The following MTX3 variants were observed in gnomAD, a reference collection of about 807,000 sequenced individuals.
MTX3 encodes metaxin-3.
MTX3 carries 27 observed loss-of-function variants against 42.5 expected under a neutral mutation model. The observed-to-expected ratio is 0.64, with a 90% CI of 0.47 to 0.88. MTX3 has a LOEUF of 0.88. Ranked by LOEUF, MTX3 falls within the 40% of genes least tolerant of loss-of-function variation. MTX3 has a pLI of 0.00. For synonymous variants in MTX3, 144 were observed against 132.9 expected (o/e 1.08, Z -0.57); for missense variants, 378 against 367.0 (o/e 1.03, Z -0.25).
At chr5:79,989,017 A>C (rs1227952336) in intron 4 of MTX3, 135 bp downstream of exon 4, 12 of 592,388 alleles carry the variant, frequency 2.0e-5, no homozygotes, top group Non-Finnish European at 3.4e-5. Context: ...CCAGTTTCAC[A>C]GTAATATGAA....
rs1169523154 is a variant in MTX3 at position 79,988,295 on chromosome 5, C to A, written c.525G>T (p.Glu175Asp). 1.9e-6 allele frequency: 3 copies of A among 1,555,824 alleles called. No individual in the cohort carries two copies. The African/African-American group carries it at 4.1e-5, about 21-fold the overall frequency. The stretch of plus-strand genomic sequence containing the variant: ...ATCTGTTTGATAGAAGATTTAGGCA[C>A]TCCTTGGCATCTCTGTATATCTAAT... ...VEAQIYRDAK[E>D]CLNLLSNRLG... The change falls in exon 6 of 9, where the codon GAG becomes GAT. Residue 175 changes from glutamate (E) to aspartate (D), a missense_variant. Coordinates refer to ENST00000512528, the MANE Select transcript of MTX3 (RefSeq NM_001363818.2).
rs1831374106 is a variant in MTX3 at position 79,981,521 on chromosome 5, T to G, written c.*2163A>C. Reference sequence around the variant, plus strand: ...ATTAAAATTTCAGTTCATAAAACATTACAGTATGCTTCTTTATCAAAGTCT... The same window carrying G: ...ATTAAAATTTCAGTTCATAAAACATGACAGTATGCTTCTTTATCAAAGTCT... On this transcript the variant is annotated 3_prime_UTR_variant, in exon 9 of 9. Coordinates refer to ENST00000512528, the MANE Select transcript of MTX3 (RefSeq NM_001363818.2). The G allele has an allele frequency of 6.6e-6, 1 of 152,206 alleles. No homozygotes were observed. Among genetic ancestry groups the G allele is most frequent in the Admixed American group, 6.5e-5 (1 of 15,282 alleles). 9.4% of individuals were successfully genotyped at this position (152,206 alleles called of 1,614,324 possible).
At chr5:79,988,881 T>A (rs1292596369) in intron 4 of MTX3, among the ~76,000 whole-genome samples, 1 of 145,074 alleles carries the variant, frequency 6.9e-6, no homozygotes, top group Non-Finnish European at 1.6e-5. Flanking sequence ...TAAACATTTG[T>A]TGAATGAATG....
At position 79,987,950 on chromosome 5, in the gene MTX3, G is replaced by A. The variant is rs191994388; in HGVS notation, c.581+289C>T. ...CCTGCCTCAGCCTCCCAAGTAGCTGGGATTACAGGTGCCCACCACCACACG... is the reference window on the plus strand; with the variant it reads ...CCTGCCTCAGCCTCCCAAGTAGCTGAGATTACAGGTGCCCACCACCACACG... On this transcript the variant is annotated intron_variant, in intron 6 of 8. Coordinates refer to ENST00000512528, the MANE Select transcript of MTX3 (RefSeq NM_001363818.2). Among the ~76,000 whole-genome samples, 23 of 152,160 alleles carry A rather than the reference G, an allele frequency of 1.5e-4. No homozygotes were observed. The East Asian group carries it at 4.3e-3, about 28-fold the overall frequency.
In MTX3 at chr5:79,982,139, C is replaced by A. The variant is rs1297492847; in HGVS notation, c.*1545G>T. Reference sequence around the variant, plus strand: ...TGACTGACACACACAAACACACACACACACACCCTGTTGTAGAAGTAATGT... The same window carrying A: ...TGACTGACACACACAAACACACACAAACACACCCTGTTGTAGAAGTAATGT... On this transcript the variant is annotated 3_prime_UTR_variant, in exon 9 of 9. Transcript: ENST00000512528. 3 of 239,138 alleles carry A rather than the reference C, an allele frequency of 1.3e-5. No homozygotes were observed. Among genetic ancestry groups the A allele is most frequent in the Non-Finnish European group, 2.5e-5 (3 of 118,698 alleles). The allele number at this position is 239,138 out of a possible 1,614,324, so 14.8% of individuals were successfully genotyped here.
chr5:79,978,447 G>C lies in MTX3; in HGVS notation c.*5237C>G. ...TCTACTAAAAATACAAAAATTAGCT[G>C]GGCGTGGTGGCAGGTGCCTGTAATC... On this transcript the variant is annotated 3_prime_UTR_variant, in exon 9 of 9. Coordinates refer to ENST00000512528, the MANE Select transcript of MTX3 (RefSeq NM_001363818.2). 1 of 152,352 alleles carries C rather than the reference G, an allele frequency of 6.6e-6. No homozygotes were observed. Among genetic ancestry groups the C allele is most frequent in the Non-Finnish European group, 1.5e-5 (1 of 68,134 alleles). The allele number at this position is 152,352 out of a possible 1,614,324, so 9.4% of individuals were successfully genotyped here.
chr5:79,984,236 G>A (rs1315762435), intron 8 of MTX3, among the ~76,000 whole-genome samples: 1 of 152,146 alleles, frequency 6.6e-6, no homozygotes. Flanking sequence ...AGCAAAACGA[G>A]ACTCTGTAAG....
chr5:79,986,956 G>A lies in MTX3; in HGVS notation c.733C>T (p.Leu245Phe), dbSNP rs1831506337. ...TGAAAAAGAGCCAGCTTACCTCCAAGACTAAGCCTAAAATAACTGCTCAGG... is the reference window on the plus strand; with the variant it reads ...TGAAAAAGAGCCAGCTTACCTCCAAAACTAAGCCTAAAATAACTGCTCAGG... ...DILSSYFRLS[L>F]GGISPAGQET... The change falls in exon 7 of 9, where the codon CTT becomes TTT. Residue 245 changes from leucine (L) to phenylalanine (F), a missense_variant. By Grantham distance (22) the Leu-to-Phe change is conservative. Transcript: ENST00000512528. The A allele has an allele frequency of 6.2e-7, 1 of 1,613,510 alleles. No individual in the cohort carries two copies. Among genetic ancestry groups the A allele is most frequent in the Non-Finnish European group, 8.5e-7 (1 of 1,179,734 alleles).
chr5:79,987,197 T>C, intron 6 of MTX3, 90 bp from the exon 7 acceptor site: 1 of 1,218,136 alleles, frequency 8.2e-7, no homozygotes, highest in Non-Finnish European at 1.2e-6. Flanking sequence ...CCCAGTACTT[T>C]GGGAGATCAA....
At chr5:79,991,060 C>T (rs1561285158) in intron 1 of MTX3, 98 bp downstream of exon 1, 3 of 1,267,002 alleles carry the variant, frequency 2.4e-6, no homozygotes, top group Admixed American at 4.0e-5. Context: ...GCTCGGCCCT[C>T]CTGGACCCCG....
chr5:79,986,804 C>T, intron 7 of MTX3, 146 bp downstream of exon 7: 1 of 688,940 alleles, frequency 1.5e-6, no homozygotes, highest in Non-Finnish European at 2.4e-6. Flanking sequence ...AAAATGAAGT[C>T]GGAAAAACAC....
chr5:79,983,971 C>T (rs976356483), intron 8 of MTX3, among the ~76,000 whole-genome samples, 177 bp from the exon 9 acceptor site: 11 of 152,242 alleles, frequency 7.2e-5, no homozygotes, highest in Non-Finnish European at 1.3e-4. Context: ...ACCTCAAATA[C>T]CAGCTGACTC....
In MTX3 at chr5:79,983,774, T is replaced by G; in HGVS notation, c.849A>C (p.Gln283His). The G allele has an allele frequency of 6.2e-7, 1 of 1,613,046 alleles. No homozygotes were observed. Among genetic ancestry groups the G allele is most frequent in the Non-Finnish European group, 8.5e-7 (1 of 1,179,082 alleles). ...GTTTCCGAGGAGGAAGCTGAGGGCT[T>G]TGGCGAAGATTGTCATCCATCTGTA... ...LIEKMDDNLR[Q>H]SPQLPPRKLP... The change falls in exon 9 of 9, where the codon CAA (glutamine) becomes CAC (histidine). Residue 283 changes from glutamine (Q) to histidine (H), a missense_variant. By Grantham distance (24) the Gln-to-His change is conservative. Transcript: ENST00000512528.
In MTX3 at chr5:79,983,633, A is replaced by G; in HGVS notation, c.*51T>C. 1 of 1,320,120 alleles carries G rather than the reference A, an allele frequency of 7.6e-7. No homozygotes were observed. Among genetic ancestry groups the G allele is most frequent in the Non-Finnish European group, 1.1e-6 (1 of 911,622 alleles). The allele number at this position is 1,320,120 out of a possible 1,614,324, so 81.8% of individuals were successfully genotyped here. A position where few individuals can be genotyped will look rare whatever the true frequency, so the allele number is the denominator to read the frequency against. The stretch of plus-strand genomic sequence containing the variant: ...CTTTTTGCCTTCACACACTTGGTGT[A>G]AGAGATTACTGCAACAATCGTTTGA... On this transcript the variant is annotated 3_prime_UTR_variant, in exon 9 of 9. Transcript: ENST00000512528.
At position 79,980,209 on chromosome 5, in the gene MTX3, T is replaced by A. The variant is rs1831341229; in HGVS notation, c.*3475A>T. ...ACACTACCAAGTTCAAGTACCACTTTTATCACATGCAGCTGCCTTAACCAA... is the reference window on the plus strand; with the variant it reads ...ACACTACCAAGTTCAAGTACCACTTATATCACATGCAGCTGCCTTAACCAA... On this transcript the variant is annotated 3_prime_UTR_variant, in exon 9 of 9. Coordinates refer to ENST00000512528, the MANE Select transcript of MTX3 (RefSeq NM_001363818.2). The A allele has an allele frequency of 6.6e-6, 1 of 152,154 alleles. No individual in the cohort carries two copies. The highest frequency in any genetic ancestry group is 1.9e-4 in the East Asian group (1 of 5,196). 9.4% of individuals were successfully genotyped at this position (152,154 alleles called of 1,614,324 possible).
chr5:79,977,457 C>T lies in MTX3; in HGVS notation c.*6227G>A, dbSNP rs181387859. ...CTGAAGAATCAGAACAAAGATCCAA[C>T]GGCCTTTCACGTGGCTACATGTTCA... On this transcript the variant is annotated 3_prime_UTR_variant, in exon 9 of 9. Transcript: ENST00000512528. The T allele has an allele frequency of 3.0e-4, 45 of 152,340 alleles. No homozygotes were observed. Among genetic ancestry groups the T allele is most frequent in the African/African-American group, 1.1e-3 (44 of 41,564 alleles). 9.4% of individuals were successfully genotyped at this position (152,340 alleles called of 1,614,324 possible).
chr5:79,982,233 C>T lies in MTX3; in HGVS notation c.*1451G>A, dbSNP rs1479944130. 2 of 306,422 alleles carry T rather than the reference C, an allele frequency of 6.5e-6. No individual in the cohort carries two copies. The highest frequency in any genetic ancestry group is 1.3e-5 in the Non-Finnish European group (2 of 154,834). 19.0% of individuals were successfully genotyped at this position (306,422 alleles called of 1,614,324 possible). On this transcript the variant is annotated 3_prime_UTR_variant, in exon 9 of 9. Transcript: ENST00000512528. ...ATTTTGAAGACTACCTTATTTCTCA[C>T]TTAGTTAAAACTTTCAAGAAAAAAT...
rs2151140535 is a variant in MTX3 at position 79,983,856 on chromosome 5, C to CCCATCCA, written c.829-63_829-62insTGGATGG. Reference sequence around the variant, plus strand: ...GTGGCACCGCTTATGTGGACTGTGGCCTCCCCATCCAAACTATAGCCTAGA... The same window carrying CCCATCCA: ...GTGGCACCGCTTATGTGGACTGTGGCCCATCCACTCCCCATCCAAACTATAGCCTAGA... On this transcript the variant is annotated intron_variant, in intron 8 of 8. Coordinates refer to ENST00000512528, the MANE Select transcript of MTX3 (RefSeq NM_001363818.2). 2.8e-6 allele frequency: 3 copies of CCCATCCA among 1,068,038 alleles called. No homozygotes were observed. The South Asian group carries it at 4.1e-5, about 15-fold the overall frequency. The allele number at this position is 1,068,038 out of a possible 1,614,324, so 66.2% of individuals were successfully genotyped here. A position where few individuals can be genotyped will look rare whatever the true frequency, so the allele number is the denominator to read the frequency against.
chr5:79,981,798 A>G lies in MTX3; in HGVS notation c.*1886T>C, dbSNP rs1831380081. 1 of 151,978 alleles carries G rather than the reference A, an allele frequency of 6.6e-6. No homozygotes were observed. Among genetic ancestry groups the G allele is most frequent in the Non-Finnish European group, 1.5e-5 (1 of 67,986 alleles). 9.4% of individuals were successfully genotyped at this position (151,978 alleles called of 1,614,324 possible). Reference sequence around the variant, plus strand: ...AATTTTTAATTCTTTAAAATTTAAAATTTTTAAATTGTCCTGTTTTACATG... The same window carrying G: ...AATTTTTAATTCTTTAAAATTTAAAGTTTTTAAATTGTCCTGTTTTACATG... On this transcript the variant is annotated 3_prime_UTR_variant, in exon 9 of 9. Coordinates refer to ENST00000512528, the MANE Select transcript of MTX3 (RefSeq NM_001363818.2).
Sources: allele counts gnomAD v4.1 joint callset (sites outside exome capture counted in the v4.1 genomes callset), GRCh38; gene constraint gnomAD v4.1.1; transcripts MANE v1.5; gene names NCBI Gene and HGNC (gene_info 2026-07-23, HGNC 2026-07-21).